Variants in SPTA1 observed in about 807,000 individuals in gnomAD.
The protein encoded by SPTA1 is spectrin alpha chain, erythrocytic 1.
Under a neutral mutation model 324.7 loss-of-function variants are expected in SPTA1, and 177 were observed. The observed-to-expected ratio is 0.55, with a 90% confidence interval of 0.48 to 0.62. The LOEUF (loss-of-function observed/expected upper bound fraction) is 0.62, where lower values mean the gene tolerates loss of function less well. SPTA1 is among the 20% of genes least tolerant of loss of function. SPTA1 has a pLI of 0.00. For synonymous variants in SPTA1, 1,195 were observed against 1,041.3 expected, an observed-to-expected ratio of 1.15 and a Z score of -2.84; for missense variants, 3,162 against 2,883.6, an observed-to-expected ratio of 1.10 and a Z score of -2.21.
intron 2 of SPTA1, among the ~76,000 whole-genome samples, chr1:158,684,125 C>G (rs1006627866): frequency 6.6e-6 from 1 of 151,432 alleles, no homozygotes; most frequent in Non-Finnish European, 1.5e-5. Flanking sequence ...TAACTCATCT[C>G]TCTGAGAAGA....
Position 158,648,655 on chromosome 1 carries a change from T to C in SPTA1, c.3570-2A>G. On this transcript the variant is annotated splice_acceptor_variant, in intron 25 of 51. Transcript: ENST00000643759. LOFTEE classifies it high-confidence loss of function. Reference sequence around the variant, plus strand: ...TGCTCCTTCGTGTCATCTGCTTCTCTGGTATACAAGAGAGTAGAGAGTTCA... The same window carrying C: ...TGCTCCTTCGTGTCATCTGCTTCTCCGGTATACAAGAGAGTAGAGAGTTCA... The C allele has an allele frequency of 6.2e-7, 1 of 1,613,684 alleles. No individual in the cohort carries two copies. Among genetic ancestry groups the C allele is most frequent in the Non-Finnish European group, 8.5e-7 (1 of 1,179,858 alleles).
chr1:158,678,265 A>G, intron 6 of SPTA1, 136 bp downstream of exon 6: 1 of 1,218,104 alleles, frequency 8.2e-7, no homozygotes, highest in Non-Finnish European at 1.2e-6. Context: ...TGCTGTCCCA[A>G]AGGCAAGTAC....
chr1:158,614,210 A>G, intron 49 of SPTA1, 43 bp downstream of exon 49: 1 of 1,393,686 alleles, frequency 7.2e-7, no homozygotes, highest in Non-Finnish European at 1.0e-6. Flanking sequence ...ATTCTGAATA[A>G]TCTGAAAAAC....
At position 158,667,961 on chromosome 1, in the gene SPTA1, T is replaced by G; in HGVS notation, c.1935A>C (p.Gln645His). The G allele has an allele frequency of 6.2e-7, 1 of 1,614,046 alleles. No homozygotes were observed. Among genetic ancestry groups the G allele is most frequent in the Non-Finnish European group, 8.5e-7 (1 of 1,179,998 alleles). Residue 645 changes from glutamine (Q) to histidine (H), a missense_variant, in exon 15 of 52, where the codon CAA becomes CAC. By Grantham distance (24) the Gln-to-His change is conservative. Coordinates refer to ENST00000643759, the MANE Select transcript of SPTA1 (RefSeq NM_003126.4). ...CATAGTGACCACCCTCAATCATCTC[T>G]TGGCCAGTTTTCTGTATGTTTTCCA... ...TQLENIQKTG[Q>H]EMIEGGHYAS...
intron 33 of SPTA1, among the ~76,000 whole-genome samples, 153 bp from the exon 34 acceptor site, chr1:158,640,160 TC>T (rs1466853465): frequency 6.6e-6 from 1 of 152,098 alleles, no homozygotes; most frequent in Non-Finnish European, 1.5e-5. Flanking sequence ...TTATACTTAA[TC>T]TGGGAAAACA....
rs900200292 is a variant in SPTA1, at chr1:158,681,435, C to A, written c.531+92G>T. On this transcript the variant is annotated intron_variant, in intron 4 of 51. Coordinates refer to ENST00000643759, the MANE Select transcript of SPTA1 (RefSeq NM_003126.4). ...ACAAAGCCAGGAACAGACATCCTGA[C>A]TTCCTTGTGAGTAGTCTGCAGTAAT... 113 of 1,597,856 alleles carry A rather than the reference C, an allele frequency of 7.1e-5. 2 individuals carry two copies. The African/African-American group carries it at 1.4e-3, about 20-fold the overall frequency.
At chr1:158,640,960 G>T (rs1346456035) in intron 33 of SPTA1, among the ~76,000 whole-genome samples, 1 of 152,058 alleles carries the variant, frequency 6.6e-6, no homozygotes, top group Non-Finnish European at 1.5e-5. Context: ...CCAAAACAGA[G>T]ATATAGACCA....
chr1:158,667,248 A>C (rs867984000), intron 15 of SPTA1, among the ~76,000 whole-genome samples: 10 of 152,228 alleles, frequency 6.6e-5, no homozygotes, highest in African/African-American at 2.2e-4. Context: ...GGGCACATGA[A>C]TAGAAAACTC....
At position 158,611,328 on chromosome 1, in the gene SPTA1, C is replaced by T. The variant is rs745616202; in HGVS notation, c.7196G>A (p.Arg2399Gln). 26 of 1,613,752 alleles carry T rather than the reference C, an allele frequency of 1.6e-5. No individual in the cohort carries two copies. Among genetic ancestry groups the T allele is most frequent in the East Asian group, 2.2e-5 (1 of 44,872 alleles). The change falls in exon 52 of 52, where the codon CGG becomes CAG. Residue 2399 changes from arginine to glutamine, a missense_variant. Physicochemically the swap from Arg to Gln is conservative, Grantham distance 43. Transcript: ENST00000643759. ...ATAGCCAGAGAGATGGCTTCGACCC[C>T]GTGGGTCCATATATTGCTGCATATG... ...ATHMQQYMDP[R>Q]GRSHLSGYDY...
At chr1:158,673,168 T>G (rs1254656336) in intron 10 of SPTA1, among the ~76,000 whole-genome samples, 2 of 152,064 alleles carry the variant, frequency 1.3e-5, no homozygotes, top group African/African-American at 4.8e-5. Flanking sequence ...GGATAACTGT[T>G]AAGTTTTTAA....
intron 7 of SPTA1, among the ~76,000 whole-genome samples, chr1:158,677,420 T>C (rs1376856673): frequency 2.6e-5 from 4 of 152,162 alleles, no homozygotes; most frequent in Non-Finnish European, 5.9e-5. Flanking sequence ...GTTTTGTTTT[T>C]AAATTGTGAA....
intron 50 of SPTA1, 69 bp downstream of exon 50, chr1:158,613,652 T>G: frequency 6.2e-7 from 1 of 1,604,620 alleles, no homozygotes; most frequent in Non-Finnish European, 8.5e-7. Context: ...TATGGATCAT[T>G]TTACTCTCTG....
intron 26 of SPTA1, 147 bp from the exon 27 acceptor site, chr1:158,647,867 C>A: frequency 4.8e-6 from 4 of 839,902 alleles, no homozygotes; most frequent in East Asian, 5.3e-5. Context: ...ATAATATCAA[C>A]CTTTTAGTCC....
chr1:158,671,232 C>A, intron 12 of SPTA1, 111 bp downstream of exon 12: 1 of 771,208 alleles, frequency 1.3e-6, no homozygotes. Flanking sequence ...TAGGGATAAT[C>A]CTCAGGCTAT....
Position 158,649,929 on chromosome 1 carries a change from C to A in SPTA1, c.3496G>T (p.Gly1166Cys). ...TCATCTGCAAGCCTCTGCAAAGAAC[C>A]CCAGCGGGAATTCAATTCCTAAAAG... ...QIRQELNSRW[G>C]SLQRLADEQR... is the part of the protein sequence containing the mutation. The change falls in exon 25 of 52, where the codon GGT becomes TGT. Residue 1166 changes from glycine (G) to cysteine (C), a missense_variant. Transcript: ENST00000643759. 6.2e-7 allele frequency: 1 copy of A among 1,613,588 alleles called. No individual in the cohort carries two copies. Among genetic ancestry groups the A allele is most frequent in the Non-Finnish European group, 8.5e-7 (1 of 1,179,762 alleles).
chr1:158,677,361 C>T lies in SPTA1; in HGVS notation c.957+329G>A, dbSNP rs79848791. Among the ~76,000 whole-genome samples, 240 of 152,024 alleles carry T rather than the reference C, an allele frequency of 1.6e-3. 1 individual carries two copies. Among genetic ancestry groups the T allele is most frequent in the African/African-American group, 5.1e-3 (212 of 41,474 alleles). ...TAGATGAAAGGGTAGAGTCTGGCCA[C>T]GGTGTATTTTACTCAGTGAGATTAG... On this transcript the variant is annotated intron_variant, in intron 7 of 51. Coordinates refer to ENST00000643759, the MANE Select transcript of SPTA1 (RefSeq NM_003126.4).
rs141958123 is a variant in SPTA1, at chr1:158,613,659, T to G, written c.6989+62A>C. ...TCATGTTTTATGGATCATTTTACTC[T>G]CTGTGCTTCTCCCTCCAAACCCCCA... On this transcript the variant is annotated intron_variant, in intron 50 of 51. Coordinates refer to ENST00000643759, the MANE Select transcript of SPTA1 (RefSeq NM_003126.4). 79 of 1,607,866 alleles carry G rather than the reference T, an allele frequency of 4.9e-5. No individual in the cohort carries two copies. In the African/African-American group the frequency reaches 8.8e-4, roughly 18 times the overall value.
Position 158,639,574 on chromosome 1 carries a change from C to T in SPTA1, c.4980+8G>A. The T allele has an allele frequency of 6.2e-7, 1 of 1,613,258 alleles. No individual in the cohort carries two copies. Among genetic ancestry groups the T allele is most frequent in the African/African-American group, 1.3e-5 (1 of 74,994 alleles). ...TGCCCAGAGGAGAGGGATGCCAACA[C>T]TACTTACCTCTCGAGCCAACATCTC... On this transcript the variant is annotated splice_region_variant and intron_variant, in intron 35 of 51. Coordinates refer to ENST00000643759, the MANE Select transcript of SPTA1 (RefSeq NM_003126.4).
In SPTA1 at chr1:158,647,594, G is replaced by T. The variant is rs199685020; in HGVS notation, c.3841C>A (p.Arg1281Ser). The T allele has an allele frequency of 2.5e-6, 4 of 1,613,814 alleles. No homozygotes were observed. Among genetic ancestry groups the T allele is most frequent in the South Asian group, 1.1e-5 (1 of 91,062 alleles). Residue 1281 changes from arginine (R) to serine (S), a missense_variant, in exon 27 of 52, where the codon CGT (arginine) becomes AGT (serine). Transcript: ENST00000643759. ...TGGGCCTCATTTAGGCTCTCCTTAC[G>T]ATCCTTTGTACGCCCCTGCAGGTCT... ...WEDLQGRTKD[R>S]KESLNEAQKF...
Sources: allele counts gnomAD v4.1 joint callset (sites outside exome capture counted in the v4.1 genomes callset), GRCh38; gene constraint gnomAD v4.1.1; transcripts MANE v1.5; gene names NCBI Gene and HGNC (gene_info 2026-07-23, HGNC 2026-07-21).